LHFPL3: variants seen among roughly 807,000 people sequenced by gnomAD.
The protein encoded by LHFPL3 is LHFPL tetraspan subfamily member 3.
LHFPL3 carries 5 observed loss-of-function variants against 19.3 expected under a neutral mutation model. That is an observed-to-expected ratio of 0.26 (90% CI 0.14 to 0.54). The LOEUF (loss-of-function observed/expected upper bound fraction) is 0.54. Among genes scored for constraint, LHFPL3 ranks in the 20% least tolerant of loss-of-function variants. The pLI, the probability that LHFPL3 is intolerant of heterozygous loss-of-function variation, is 0.94. For missense variants in LHFPL3, 249 were observed against 307.4 expected (o/e 0.81, Z 1.42); for synonymous variants, 133 against 126.2 (o/e 1.05, Z -0.36).
intron 1 of LHFPL3, among the ~76,000 whole-genome samples, chr7:104,421,039 T>C (rs187745364): frequency 1.1e-3 from 173 of 152,184 alleles, no homozygotes; most frequent in Non-Finnish European, 2.1e-3. Context: ...ATAGAGAAGG[T>C]TGTGGTCCTT....
chr7:104,786,600 G>A (rs1416523373), intron 2 of LHFPL3: 1 of 152,022 alleles, frequency 6.6e-6, no homozygotes, highest in Non-Finnish European at 1.5e-5. Flanking sequence ...AGAGGAGTAA[G>A]ATGGATTGAA....
intron 1 of LHFPL3, among the ~76,000 whole-genome samples, chr7:104,548,586 G>T (rs1419419228): frequency 6.6e-6 from 1 of 152,048 alleles, no homozygotes; most frequent in Admixed American, 6.6e-5. Flanking sequence ...AAATAAAGAT[G>T]GAACGAAATA....
At chr7:104,677,379 G>A (rs12670583) in intron 1 of LHFPL3, among the ~76,000 whole-genome samples, 21,150 of 141,318 alleles carry the variant, frequency 0.15, 1,580 homozygotes, top group Non-Finnish European at 0.18. Context: ...AAAAAAAAAA[G>A]GAAGAAAAAG....
intron 1 of LHFPL3, among the ~76,000 whole-genome samples, chr7:104,410,242 C>T (rs1584300734): frequency 6.6e-6 from 1 of 152,134 alleles, no homozygotes; most frequent in South Asian, 2.1e-4. Flanking sequence ...AAGCAATTCT[C>T]CTGCCTCAGC....
intron 1 of LHFPL3, among the ~76,000 whole-genome samples, chr7:104,727,375 C>T (rs558254319): frequency 3.3e-5 from 5 of 152,126 alleles, no homozygotes; most frequent in East Asian, 3.9e-4. Flanking sequence ...TTGTTTTTGA[C>T]GTTTTCCTCA....
chr7:104,532,775 T>A (rs1415239143), intron 1 of LHFPL3, among the ~76,000 whole-genome samples: 1 of 152,178 alleles, frequency 6.6e-6, no homozygotes. Flanking sequence ...AAAATTATCT[T>A]AGCATAGACA....
chr7:104,570,796 C>T (rs781193679), intron 1 of LHFPL3, among the ~76,000 whole-genome samples: 15 of 152,036 alleles, frequency 9.9e-5, no homozygotes, highest in Non-Finnish European at 1.9e-4. Flanking sequence ...GGAATTAAGC[C>T]CAGTACCCAA....
At chr7:104,535,859 G>A (rs1488841105) in intron 1 of LHFPL3, among the ~76,000 whole-genome samples, 1 of 152,162 alleles carries the variant, frequency 6.6e-6, no homozygotes, top group African/African-American at 2.4e-5. Context: ...GGATGCTACG[G>A]GAAAAACAGA....
intron 1 of LHFPL3, among the ~76,000 whole-genome samples, chr7:104,518,834 GATAGATAGATAGAATA>G (rs1249074301): frequency 7.6e-6 from 1 of 131,628 alleles, no homozygotes; most frequent in African/African-American, 4.4e-5. Flanking sequence ...TAGATAGATA[GATAGATAGATAGAATA>G]AATAAAAAAA....
chr7:104,740,844 T>A (rs906719503), intron 2 of LHFPL3, among the ~76,000 whole-genome samples: 1 of 152,200 alleles, frequency 6.6e-6, no homozygotes, highest in Non-Finnish European at 1.5e-5. Flanking sequence ...AGCCACCATA[T>A]AGATTCAGGC....
intron 2 of LHFPL3, among the ~76,000 whole-genome samples, chr7:104,740,897 A>T (rs894926128): frequency 2.0e-5 from 3 of 152,190 alleles, no homozygotes; most frequent in Non-Finnish European, 4.4e-5. Context: ...TAGATCCATG[A>T]ATGCTTCCCA....
chr7:104,636,093 G>A (rs891839779), intron 1 of LHFPL3, among the ~76,000 whole-genome samples: 2 of 152,132 alleles, frequency 1.3e-5, no homozygotes, highest in Non-Finnish European at 2.9e-5. Flanking sequence ...AACAATTTTT[G>A]CATAGTCTTT....
chr7:104,668,467 G>T (rs1340073693), intron 1 of LHFPL3: 2 of 1,612,198 alleles, frequency 1.2e-6, no homozygotes, highest in African/African-American at 1.3e-5. Context: ...TATCGGGATG[G>T]CCCACGCCGG....
At chr7:104,829,461 C>T (rs1454380650) in intron 2 of LHFPL3, among the ~76,000 whole-genome samples, 1 of 151,766 alleles carries the variant, frequency 6.6e-6, no homozygotes, top group Non-Finnish European at 1.5e-5. Flanking sequence ...GGTATATCTC[C>T]TAATGCTATC....
intron 1 of LHFPL3, among the ~76,000 whole-genome samples, chr7:104,587,511 G>C (rs965406276): frequency 2.6e-5 from 4 of 152,144 alleles, no homozygotes; most frequent in African/African-American, 9.7e-5. Flanking sequence ...TCTTAATCCA[G>C]TCTATCATTG....
chr7:104,602,113 T>G (rs112130032), intron 1 of LHFPL3, among the ~76,000 whole-genome samples: 13 of 133,052 alleles, frequency 9.8e-5, no homozygotes, highest in African/African-American at 3.3e-4. Flanking sequence ...CTCCACCTCC[T>G]GGATTCAAGC....
intron 2 of LHFPL3, among the ~76,000 whole-genome samples, chr7:104,892,160 G>T (rs1477862501): frequency 1.3e-5 from 2 of 152,150 alleles, no homozygotes; most frequent in Admixed American, 6.5e-5. Context: ...GTGCTAAAAG[G>T]AATGTTTAGA....
At chr7:104,654,386 C>T (rs887311305) in intron 1 of LHFPL3, among the ~76,000 whole-genome samples, 3 of 152,134 alleles carry the variant, frequency 2.0e-5, no homozygotes, top group Non-Finnish European at 2.9e-5. Flanking sequence ...GAAATTAATG[C>T]TTTCCTACAT....
chr7:104,465,852 T>C (rs1458204322), intron 1 of LHFPL3, among the ~76,000 whole-genome samples: 1 of 152,228 alleles, frequency 6.6e-6, no homozygotes, highest in Non-Finnish European at 1.5e-5. Flanking sequence ...CAGGAGCATG[T>C]TGTTTGATTC....
Sources: gnomAD v4.1 joint callset for allele counts (sites outside exome capture counted in the v4.1 genomes callset) on GRCh38, gnomAD v4.1.1 for gene constraint, MANE v1.5 for transcripts, NCBI Gene and HGNC (gene_info 2026-07-23, HGNC 2026-07-21) for gene names.